IFT140: variants seen among roughly 807,000 people sequenced by gnomAD.
IFT140 encodes the protein intraflagellar transport protein 140 homolog.
A neutral mutation model predicts 164.6 loss-of-function variants in IFT140; 133 were observed. That is an observed-to-expected ratio of 0.81 (90% CI 0.70 to 0.93). IFT140 has a LOEUF of 0.93. Ranked by LOEUF, IFT140 falls within the 40% of genes least tolerant of loss-of-function variation. The probability of loss-of-function intolerance (pLI) is 0.00; values close to 1 mark genes in which losing one functional copy is unlikely to be tolerated. For missense variants in IFT140, 2,045 were observed against 1,972.3 expected (o/e 1.04, Z -0.70); for synonymous variants, 860 against 817.3 (o/e 1.05, Z -0.89).
At position 1,533,820 on chromosome 16, in the gene IFT140, G is replaced by A. The variant is rs920660129; in HGVS notation, c.2400-7024C>T. Reference sequence around the variant, plus strand: ...AGGAGCTGTGAACCCGCTCCACACCGGCCACCCTGCCCGGAGCCTGGCACT... The same window carrying A: ...AGGAGCTGTGAACCCGCTCCACACCAGCCACCCTGCCCGGAGCCTGGCACT... On this transcript the variant is annotated intron_variant, in intron 19 of 30. Transcript: ENST00000426508. The surrounding 1 kb of genome is among the most constrained non-coding windows in gnomAD (Gnocchi z 4.7). 9.3e-6 allele frequency: 2 copies of A among 214,732 alleles called. No individual in the cohort carries two copies. Among genetic ancestry groups the A allele is most frequent in the Middle Eastern group, 1.7e-3 (1 of 604 alleles). The allele number at this position is 214,732 out of a possible 1,614,324, so 13.3% of individuals were successfully genotyped here.
chr16:1,562,339 C>T (rs111935687), intron 17 of IFT140, among the ~76,000 whole-genome samples: 4 of 152,212 alleles, frequency 2.6e-5, no homozygotes, highest in African/African-American at 4.8e-5. Context: ...GTCCAGCTTG[C>T]GACCACTGGA....
Position 1,553,052 on chromosome 16 carries a change from G to A in IFT140, c.2399+4883C>T. 1 of 985,432 alleles carries A rather than the reference G, an allele frequency of 1.0e-6. No individual in the cohort carries two copies. The highest frequency in any genetic ancestry group is 5.2e-4 in the Middle Eastern group (1 of 1,914). The allele number at this position is 985,432 out of a possible 1,614,324, so 61.0% of individuals were successfully genotyped here. Reference sequence around the variant, plus strand: ...AGAATGAACACAGAAACCAGTCACTGTCATTGTTCAGGACAAAATGGAGAT... The same window carrying A: ...AGAATGAACACAGAAACCAGTCACTATCATTGTTCAGGACAAAATGGAGAT... On this transcript the variant is annotated intron_variant, in intron 19 of 30. Coordinates refer to ENST00000426508, the MANE Select transcript of IFT140 (RefSeq NM_014714.4). This position sits in a 1 kb window ranked among gnomAD's most constrained non-coding sequence, Gnocchi z 4.4.
At chr16:1,520,419 T>C (rs2040486687) in intron 27 of IFT140, 76 bp from the exon 28 acceptor site, 3 of 1,511,158 alleles carry the variant, frequency 2.0e-6, no homozygotes, top group Non-Finnish European at 1.8e-6. Context: ...GAGCAGGAGC[T>C]CTCACAAGAA....
At position 1,524,082 on chromosome 16, in the gene IFT140, G is replaced by A. The variant is rs192970249; in HGVS notation, c.3142-126C>T. The A allele has an allele frequency of 1.6e-5, 20 of 1,245,706 alleles. No homozygotes were observed. In the Admixed American group the frequency reaches 2.6e-4, roughly 16 times the overall value. The allele number at this position is 1,245,706 out of a possible 1,614,324, so 77.2% of individuals were successfully genotyped here. ...TGACACACTGCTCAGCGATCTCTGC[G>A]GTGATGGGTTTTAAGGAGCTGATGA... On this transcript the variant is annotated intron_variant, in intron 24 of 30. Coordinates refer to ENST00000426508, the MANE Select transcript of IFT140 (RefSeq NM_014714.4).
rs184314282 is a variant in IFT140, at chr16:1,523,069, T to A, written c.3453+449A>T. On this transcript the variant is annotated intron_variant, in intron 26 of 30. Coordinates refer to ENST00000426508, the MANE Select transcript of IFT140 (RefSeq NM_014714.4). ...GACCCTGAGTCTATGAAAAAAAATT[T>A]AAAAAATTAGCTGGGGATGGTGGCA... 1.4e-3 allele frequency among the ~76,000 whole-genome samples: 207 copies of A among 151,132 alleles called. 1 individual carries two copies. Among genetic ancestry groups the A allele is most frequent in the African/African-American group, 5.0e-3 (204 of 41,084 alleles).
rs751268959 is a variant in IFT140 at position 1,562,113 on chromosome 16, C to T, written c.2071G>A (p.Asp691Asn). The T allele has an allele frequency of 1.3e-6, 2 of 1,596,614 alleles. No individual in the cohort carries two copies. Among genetic ancestry groups the T allele is most frequent in the East Asian group, 4.5e-5 (2 of 44,416 alleles). The change falls in exon 18 of 31, where the codon GAT (aspartate) becomes AAT (asparagine). Residue 691 changes from aspartate to asparagine, a missense_variant. Physicochemically the swap from Asp to Asn is conservative, Grantham distance 23. Transcript: ENST00000426508. ...ATGAAGAAGGACAGGATCAAAACAT[C>T]TGCCTGGGAGAGAAAGAAAAGTACT... Reference protein sequence around the residue: ...PQDGRAGPAADVLILSFFISE... With the variant: ...PQDGRAGPAANVLILSFFISE...
chr16:1,542,416 C>G (rs941664618), intron 19 of IFT140, among the ~76,000 whole-genome samples: 1 of 152,220 alleles, frequency 6.6e-6, no homozygotes, highest in African/African-American at 2.4e-5. Context: ...CCACATGGGG[C>G]AGCCTGGGTC....
At chr16:1,570,612 T>C (rs2033965181) in intron 14 of IFT140, among the ~76,000 whole-genome samples, 2 of 152,188 alleles carry the variant, frequency 1.3e-5, no homozygotes, top group African/African-American at 4.8e-5. Flanking sequence ...TCGGCCTAAG[T>C]GCTCGCCAGG....
chr16:1,548,969 C>T (rs1596344569), intron 19 of IFT140, among the ~76,000 whole-genome samples: 1 of 152,248 alleles, frequency 6.6e-6, no homozygotes, highest in South Asian at 2.1e-4. Context: ...AACCTTTCTT[C>T]GTCAGGGTAG....
intron 19 of IFT140, among the ~76,000 whole-genome samples, chr16:1,529,771 A>G (rs970386533): frequency 6.6e-6 from 1 of 152,232 alleles, no homozygotes; most frequent in African/African-American, 2.4e-5. Context: ...AAACTAGTTT[A>G]TAAACGGCTC....
rs960691392 is a variant in IFT140 at position 1,521,727 on chromosome 16, G to A, written c.3454-919C>T. 1.1e-4 allele frequency among the ~76,000 whole-genome samples: 16 copies of A among 149,886 alleles called. 1 individual carries two copies. The South Asian group carries it at 2.0e-3, about 19-fold the overall frequency. ...GAAAAATTTTACATTCTTCACTTGA[G>A]AATATGTCTTAGGCCGGGCATGTTG... On this transcript the variant is annotated intron_variant, in intron 26 of 30. Coordinates refer to ENST00000426508, the MANE Select transcript of IFT140 (RefSeq NM_014714.4).
chr16:1,547,604 T>C lies in IFT140; in HGVS notation c.2399+10331A>G, dbSNP rs953965994. The stretch of plus-strand genomic sequence containing the variant: ...CAGCCTGGAGTGCAGTGGTGCAATC[T>C]GGGTTCAATATAAGTTCCGCCTCCC... On this transcript the variant is annotated intron_variant, in intron 19 of 30. Transcript: ENST00000426508. Among the ~76,000 whole-genome samples the C allele has an allele frequency of 4.6e-5, 7 of 152,282 alleles. No individual in the cohort carries two copies. The East Asian group carries it at 1.4e-3, about 29-fold the overall frequency.
At chr16:1,610,920 C>T (rs1373423628) in intron 1 of IFT140, 67 bp from the exon 2 acceptor site, 1 of 152,392 alleles carries the variant, frequency 6.6e-6, no homozygotes, top group South Asian at 2.1e-4. Flanking sequence ...CGTCTGGGTC[C>T]CCTTTGTGTG....
At chr16:1,530,050 G>A (rs536393001) in intron 19 of IFT140, among the ~76,000 whole-genome samples, 12 of 152,010 alleles carry the variant, frequency 7.9e-5, no homozygotes, top group East Asian at 1.9e-4. Context: ...TGCGTGAGGC[G>A]TGATGGCCGC....
At chr16:1,595,022 A>T (rs368626375) in intron 4 of IFT140, among the ~76,000 whole-genome samples, 9 of 152,236 alleles carry the variant, frequency 5.9e-5, no homozygotes, top group African/African-American at 1.7e-4. Flanking sequence ...ACGGTGGCTC[A>T]CGCCTGTAAT....
intron 19 of IFT140, among the ~76,000 whole-genome samples, chr16:1,543,714 C>G (rs1193903021): frequency 6.6e-6 from 1 of 152,208 alleles, no homozygotes; most frequent in African/African-American, 2.4e-5. Context: ...TGCATGACTG[C>G]AGGGAAAACA....
intron 30 of IFT140, among the ~76,000 whole-genome samples, chr16:1,511,735 G>A (rs1228185602): frequency 8.0e-6 from 1 of 125,330 alleles, no homozygotes; most frequent in Non-Finnish European, 1.7e-5. Flanking sequence ...AGTCTCAAAC[G>A]AGAGGCTGAG....
intron 18 of IFT140, among the ~76,000 whole-genome samples, chr16:1,559,482 G>A (rs1196528330): frequency 1.3e-5 from 2 of 152,180 alleles, no homozygotes; most frequent in Admixed American, 1.3e-4. Context: ...AAACTAGGCC[G>A]AGCCGTTTGA....
chr16:1,531,860 G>T lies in IFT140; in HGVS notation c.2400-5064C>A, dbSNP rs2030533040. 1 of 152,272 alleles carries T rather than the reference G, an allele frequency of 6.6e-6. No homozygotes were observed. Among genetic ancestry groups the T allele is most frequent in the East Asian group, 1.9e-4 (1 of 5,190 alleles). The allele number at this position is 152,272 out of a possible 1,614,324, so 9.4% of individuals were successfully genotyped here. A position where few individuals can be genotyped will look rare whatever the true frequency, so the allele number is the denominator to read the frequency against. On this transcript the variant is annotated intron_variant, in intron 19 of 30. Transcript: ENST00000426508. The surrounding 1 kb of genome is among the most constrained non-coding windows in gnomAD (Gnocchi z 4.7). ...TGGCCTCCTCCCCACTCAACCTGAG[G>T]AAAGGACCAGAGCGGGCCGCTGAGA... is the stretch of plus-strand genomic sequence containing the variant.
Sources: allele counts gnomAD v4.1 joint callset (sites outside exome capture counted in the v4.1 genomes callset), GRCh38; gene constraint gnomAD v4.1.1; non-coding constraint Gnocchi (gnomAD v3.1); transcripts MANE v1.5; gene names NCBI Gene and HGNC (gene_info 2026-07-23, HGNC 2026-07-21).